Variants in GLB1 observed in about 807,000 individuals in gnomAD.
GLB1 encodes galactosidase beta 1.
Under a neutral mutation model 74.0 loss-of-function variants are expected in GLB1, and 56 were observed. The ratio of observed to expected loss-of-function variants is 0.76; its 90% CI spans 0.61 to 0.94. The LOEUF is 0.94. GLB1 is among the 40% of genes least tolerant of loss of function. The pLI, the probability that GLB1 is intolerant of heterozygous loss-of-function variation, is 0.00. For missense variants in GLB1, 787 were observed against 845.5 expected, an observed-to-expected ratio of 0.93 and a Z score of 0.86; for synonymous variants, 323 against 323.6, an observed-to-expected ratio of 1.00 and a Z score of 0.02.
At position 33,097,004 on chromosome 3, in the gene GLB1, G is replaced by C. The variant is rs2125591464; in HGVS notation, c.75+7C>G. On this transcript the variant is annotated splice_region_variant and intron_variant, in intron 1 of 15. Transcript: ENST00000307363. ...TGCCTCCCCGTACCCGGGTCCCGCAGACTTACGCGCAAGCCGCGCGTAGGG... is the reference window on the plus strand; with the variant it reads ...TGCCTCCCCGTACCCGGGTCCCGCACACTTACGCGCAAGCCGCGCGTAGGG... 3.7e-6 allele frequency: 6 copies of C among 1,611,536 alleles called. No homozygotes were observed. The highest frequency in any genetic ancestry group is 5.1e-6 in the Non-Finnish European group (6 of 1,178,698).
At chr3:33,070,084 T>C (rs546267318) in intron 2 of GLB1, among the ~76,000 whole-genome samples, 52 of 152,334 alleles carry the variant, frequency 3.4e-4, no homozygotes, top group African/African-American at 1.2e-3. Context: ...CTGTGTTTGC[T>C]CAGGATAATA....
chr3:33,052,144 C>A (rs1027717058), intron 7 of GLB1, 140 bp from the exon 8 acceptor site: 4 of 1,436,376 alleles, frequency 2.8e-6, no homozygotes, highest in Admixed American at 2.0e-5. Context: ...AGACGCCCCC[C>A]AGTGAGCACT....
chr3:32,965,562 T>C, the GLB1 span, among the ~76,000 whole-genome samples: 6 of 151,892 alleles, frequency 4.0e-5, no homozygotes, highest in South Asian at 2.1e-4. Context: ...TGCCGACTGA[T>C]GATTTAATAG....
At position 33,046,251 on chromosome 3, in the gene GLB1, C is replaced by G. The variant is rs747756247; in HGVS notation, c.956-19G>C. The G allele has an allele frequency of 6.2e-7, 1 of 1,613,358 alleles. No individual in the cohort carries two copies. The highest frequency in any genetic ancestry group is 1.3e-5 in the African/African-American group (1 of 74,858). On this transcript the variant is annotated intron_variant, in intron 9 of 15. Coordinates refer to ENST00000307363, the MANE Select transcript of GLB1 (RefSeq NM_000404.4). ...TTGGCCCCTAGAAGACAAAAATGTG[C>G]CACTAGTTATTACTGATGGTGCAGC...
At chr3:33,039,289 C>CAAA (rs35066652) in intron 10 of GLB1, among the ~76,000 whole-genome samples, 1 of 93,208 alleles carries the variant, frequency 1.1e-5, no homozygotes, top group African/African-American at 4.0e-5. Flanking sequence ...GACTCTGTCT[C>CAAA]AAAAAAAAAA....
At position 33,041,909 on chromosome 3, in the gene GLB1, A is replaced by G. The variant is rs59079809; in HGVS notation, c.1068+4211T>C. On this transcript the variant is annotated intron_variant, in intron 10 of 15. Transcript: ENST00000307363. ...CTACTCTACATCTCCACTAGTACAT[A>G]TACTAGACAAGTCTAACTTTGCACA... Among the ~76,000 whole-genome samples, 346 of 152,162 alleles carry G rather than the reference A, an allele frequency of 2.3e-3. 2 individuals carry two copies. The highest frequency in any genetic ancestry group is 8.0e-3 in the African/African-American group (331 of 41,532).
At position 32,997,262 on chromosome 3, in the gene GLB1, T is replaced by G; in HGVS notation, c.1817A>C (p.His606Pro). The change falls in exon 16 of 16, where the codon CAC (histidine) becomes CCC (proline). Residue 606 changes from histidine to proline, a missense_variant. Physicochemically the swap from His to Pro is moderately conservative, Grantham distance 77. Transcript: ENST00000307363. The stretch of plus-strand genomic sequence containing the variant: ...GTTTGGGGCCGAGGTCATCAGGATG[T>G]GCTGGGGCACAAACAAGGTCAACTG... Reference protein sequence around the residue: ...GPQLTLFVPQHILMTSAPNTI... With the variant: ...GPQLTLFVPQPILMTSAPNTI... 1 of 1,614,158 alleles carries G rather than the reference T, an allele frequency of 6.2e-7. No homozygotes were observed. The highest frequency in any genetic ancestry group is 8.5e-7 in the Non-Finnish European group (1 of 1,180,036).
the GLB1 span, among the ~76,000 whole-genome samples, chr3:32,978,949 TTA>T: frequency 6.8e-6 from 1 of 146,230 alleles, no homozygotes; most frequent in African/African-American, 2.5e-5. Flanking sequence ...TTTTGTATTT[TTA>T]GTAGAGACAA....
intron 1 of GLB1, among the ~76,000 whole-genome samples, chr3:33,079,357 A>G (rs953229533): frequency 6.6e-6 from 1 of 152,222 alleles, no homozygotes; most frequent in Non-Finnish European, 1.5e-5. Flanking sequence ...ACCTTGGAAG[A>G]AAAAGGGGCT....
chr3:33,001,028 T>C (rs2125447094), intron 15 of GLB1, among the ~76,000 whole-genome samples: 1 of 152,296 alleles, frequency 6.6e-6, no homozygotes, highest in South Asian at 2.1e-4. Flanking sequence ...ACCTCCTTCC[T>C]GTGGTCCACA....
intron 1 of GLB1, among the ~76,000 whole-genome samples, chr3:33,073,038 C>T (rs917145762): frequency 7.9e-5 from 12 of 152,106 alleles, no homozygotes; most frequent in African/African-American, 2.9e-4. Flanking sequence ...CACACACACA[C>T]GCATGCACGC....
intron 5 of GLB1, among the ~76,000 whole-genome samples, chr3:33,059,244 TACACACACACACACACACACACACACAC>T (rs55785242): frequency 1.4e-5 from 2 of 144,342 alleles, no homozygotes; most frequent in African/African-American, 2.6e-5. Context: ...ATATAAAACA[TACACACACACACACACACACACACACAC>T]ACACACACAC....
At chr3:33,077,410 A>G in intron 1 of GLB1, 1 of 987,572 alleles carries the variant, frequency 1.0e-6, no homozygotes, top group Non-Finnish European at 1.5e-6. Context: ...CAATCAATGA[A>G]AGAGACACAC....
At chr3:33,064,459 A>AG (rs1407381292) in intron 5 of GLB1, among the ~76,000 whole-genome samples, 1 of 135,122 alleles carries the variant, frequency 7.4e-6, no homozygotes, top group Non-Finnish European at 1.6e-5. Flanking sequence ...AAAACAAAAA[A>AG]CCTTTACTCT....
intron 6 of GLB1, among the ~76,000 whole-genome samples, chr3:33,055,828 C>T (rs1171711745): frequency 2.0e-5 from 3 of 151,730 alleles, no homozygotes; most frequent in South Asian, 4.2e-4. Context: ...ACCAACCTAA[C>T]GGATGAGTCC....
At chr3:33,090,742 T>C (rs1700720777) in intron 1 of GLB1, 2 of 985,252 alleles carry the variant, frequency 2.0e-6, no homozygotes, top group Admixed American at 1.2e-4. Context: ...GTCCGCCGCG[T>C]CAGGGAATAC....
the GLB1 span, among the ~76,000 whole-genome samples, chr3:32,971,553 C>T: frequency 1.3e-5 from 2 of 152,226 alleles, no homozygotes; most frequent in African/African-American, 4.8e-5. Flanking sequence ...CACAAGATAA[C>T]TTCACTTCGC....
At chr3:33,055,038 G>C (rs573211125) in intron 6 of GLB1, among the ~76,000 whole-genome samples, 1 of 152,374 alleles carries the variant, frequency 6.6e-6, no homozygotes, top group South Asian at 2.1e-4. Flanking sequence ...TATGCTGATT[G>C]AGAAAGAGCA....
the GLB1 span, among the ~76,000 whole-genome samples, chr3:32,983,125 T>C: frequency 6.6e-6 from 1 of 152,220 alleles, no homozygotes; most frequent in Non-Finnish European, 1.5e-5. Flanking sequence ...GCTTCTTGAA[T>C]CTATGGACTG....
Sources: allele counts gnomAD v4.1 joint callset (sites outside exome capture counted in the v4.1 genomes callset), GRCh38; gene constraint gnomAD v4.1.1; transcripts MANE v1.5; gene names NCBI Gene and HGNC (gene_info 2026-07-23, HGNC 2026-07-21).